PIP5K1B: variants seen among roughly 807,000 people sequenced by gnomAD.
The protein encoded by PIP5K1B is phosphatidylinositol 4-phosphate 5-kinase type-1 beta.
Under a neutral mutation model 67.0 loss-of-function variants are expected in PIP5K1B, and 42 were observed. The observed-to-expected ratio is 0.63, with a 90% confidence interval of 0.49 to 0.81. PIP5K1B has a LOEUF of 0.81. PIP5K1B is among the 30% of genes least tolerant of loss of function. PIP5K1B has a pLI of 0.00. For missense variants in PIP5K1B, 459 were observed against 646.3 expected (o/e 0.71, Z 3.14); for synonymous variants, 214 against 231.4 (o/e 0.92, Z 0.68).
chr9:68,766,769 T>TA (rs1830447041), intron 2 of PIP5K1B, among the ~76,000 whole-genome samples: 1 of 152,004 alleles, frequency 6.6e-6, no homozygotes, highest in Non-Finnish European at 1.5e-5. Context: ...AAAACAAAGG[T>TA]AAAAAATCAA....
At chr9:68,985,032 G>A (rs75460081) in intron 14 of PIP5K1B, among the ~76,000 whole-genome samples, 1,849 of 152,306 alleles carry the variant, frequency 0.012, 22 homozygotes, top group Non-Finnish European at 0.02. Context: ...GAGGGATTGC[G>A]TGTATGAGTG....
chr9:68,722,350 G>T (rs1341424341), intron 1 of PIP5K1B, among the ~76,000 whole-genome samples: 1 of 152,032 alleles, frequency 6.6e-6, no homozygotes, highest in Admixed American at 6.6e-5. Flanking sequence ...GATTACAGGT[G>T]CCTGCCTCCG....
chr9:68,712,755 A>G (rs1268012930), intron 1 of PIP5K1B, among the ~76,000 whole-genome samples: 1 of 152,244 alleles, frequency 6.6e-6, no homozygotes, highest in Admixed American at 6.5e-5. Flanking sequence ...CATGATTATT[A>G]AGAAAACACT....
chr9:68,952,636 TTAAC>T (rs1828138863), intron 14 of PIP5K1B, among the ~76,000 whole-genome samples: 1 of 152,206 alleles, frequency 6.6e-6, no homozygotes, highest in Non-Finnish European at 1.5e-5. Flanking sequence ...GATTGATAGA[TTAAC>T]TAGTATAGAA....
At chr9:68,847,591 T>C (rs561968674) in intron 4 of PIP5K1B, among the ~76,000 whole-genome samples, 43 of 152,124 alleles carry the variant, frequency 2.8e-4, no homozygotes, top group African/African-American at 9.4e-4. Context: ...TAGATTCTAA[T>C]TCCTATTCTA....
At chr9:68,861,082 C>G (rs981203658) in intron 4 of PIP5K1B, among the ~76,000 whole-genome samples, 1 of 152,106 alleles carries the variant, frequency 6.6e-6, no homozygotes, top group African/African-American at 2.4e-5. Context: ...ATATCAAGTG[C>G]CTGGCATAAA....
intron 4 of PIP5K1B, among the ~76,000 whole-genome samples, chr9:68,841,966 G>A (rs7046642): frequency 0.063 from 9,664 of 152,216 alleles, 625 homozygotes; most frequent in African/African-American, 0.16. Context: ...AGAGTATGCT[G>A]AGTGCAGAAA....
chr9:68,920,729 A>G (rs550560320), intron 11 of PIP5K1B, among the ~76,000 whole-genome samples: 24 of 150,544 alleles, frequency 1.6e-4, no homozygotes, highest in African/African-American at 5.6e-4. Flanking sequence ...AGTTTCTCCC[A>G]TCTTTCTCTC....
intron 2 of PIP5K1B, among the ~76,000 whole-genome samples, chr9:68,814,769 G>A (rs890241280): frequency 8.5e-5 from 13 of 152,150 alleles, no homozygotes; most frequent in Middle Eastern, 6.8e-3. Flanking sequence ...GCAGTGAGCC[G>A]AGATCATGCC....
intron 14 of PIP5K1B, among the ~76,000 whole-genome samples, chr9:68,967,325 G>A (rs1391110896): frequency 6.6e-6 from 1 of 152,086 alleles, no homozygotes; most frequent in African/African-American, 2.4e-5. Context: ...TCCTTCCTTG[G>A]GTGAGAATAG....
chr9:68,846,240 T>C lies in PIP5K1B; in HGVS notation c.70-17597T>C, dbSNP rs552128719. Among the ~76,000 whole-genome samples, 5 of 152,338 alleles carry C rather than the reference T, an allele frequency of 3.3e-5. No homozygotes were observed. The South Asian group carries it at 1.0e-3, about 32-fold the overall frequency. On this transcript the variant is annotated intron_variant, in intron 4 of 15. Coordinates refer to ENST00000265382, the MANE Select transcript of PIP5K1B (RefSeq NM_003558.4). ...CCCTTTAGGTAAATACTGATATTAA[T>C]GTTTCAGATTGTTTTGTTTAAAATT...
chr9:69,008,171 T>A (rs773696499), intron 15 of PIP5K1B, among the ~76,000 whole-genome samples: 50 of 152,176 alleles, frequency 3.3e-4, no homozygotes, highest in Non-Finnish European at 4.4e-4. Context: ...CAGGAGGGTG[T>A]CTTAGTCAGT....
At chr9:68,846,174 T>A (rs1176836692) in intron 4 of PIP5K1B, among the ~76,000 whole-genome samples, 1 of 152,222 alleles carries the variant, frequency 6.6e-6, no homozygotes, top group Non-Finnish European at 1.5e-5. Context: ...AAAACCAGTC[T>A]TTTTCTACCC....
At chr9:68,916,663 T>C (rs1473535841) in intron 8 of PIP5K1B, among the ~76,000 whole-genome samples, 1 of 151,984 alleles carries the variant, frequency 6.6e-6, no homozygotes, top group Admixed American at 6.6e-5. Flanking sequence ...CATGGGGTCA[T>C]GGGTTCGAGA....
rs74823754 is a variant in PIP5K1B at position 68,736,753 on chromosome 9, C to T, written c.-242-5748C>T. ...CTGAACCTCCTGTCTCCCACTTCTA[C>T]ACACTTTTGTTATTACTTTGGGTGC... On this transcript the variant is annotated intron_variant, in intron 1 of 15. Coordinates refer to ENST00000265382, the MANE Select transcript of PIP5K1B (RefSeq NM_003558.4). Among the ~76,000 whole-genome samples, 114 of 152,342 alleles carry T rather than the reference C, an allele frequency of 7.5e-4. 2 individuals carry two copies. The East Asian group carries it at 0.021, about 28-fold the overall frequency.
rs117147967 is a variant in PIP5K1B, at chr9:68,736,825, C to T, written c.-242-5676C>T. ...TGAGGCACTTAATTTAATTACATCT[C>T]GAAGATTCCTTTTACCATGTAAAGT... On this transcript the variant is annotated intron_variant, in intron 1 of 15. Transcript: ENST00000265382. Among the ~76,000 whole-genome samples, 1,114 of 152,262 alleles carry T rather than the reference C, an allele frequency of 7.3e-3. 10 individuals are homozygous for T. Among genetic ancestry groups the T allele is most frequent in the Non-Finnish European group, 9.9e-3 (671 of 68,020 alleles).
intron 1 of PIP5K1B, among the ~76,000 whole-genome samples, chr9:68,728,572 A>G (rs1294635630): frequency 6.6e-6 from 1 of 152,146 alleles, no homozygotes; most frequent in Non-Finnish European, 1.5e-5. Flanking sequence ...AACTGCAGAT[A>G]TGGGGAAAAC....
chr9:68,968,715 A>ATATATAT (rs779031015), intron 14 of PIP5K1B, among the ~76,000 whole-genome samples: 1 of 142,212 alleles, frequency 7.0e-6, no homozygotes, highest in African/African-American at 2.6e-5. Flanking sequence ...ATATATATAT[A>ATATATAT]TTTTTTTTTT....
At chr9:68,811,285 A>G (rs967333905) in intron 2 of PIP5K1B, among the ~76,000 whole-genome samples, 1 of 152,018 alleles carries the variant, frequency 6.6e-6, no homozygotes, top group Non-Finnish European at 1.5e-5. Context: ...TTTATGGCCC[A>G]TCATTGGGTC....
Sources: allele counts gnomAD v4.1 joint callset (sites outside exome capture counted in the v4.1 genomes callset), GRCh38; gene constraint gnomAD v4.1.1; transcripts MANE v1.5; gene names NCBI Gene and HGNC (gene_info 2026-07-23, HGNC 2026-07-21).